Variants in COL11A1 observed in about 807,000 individuals in gnomAD.
COL11A1 encodes the protein collagen alpha-1(XI) chain.
In COL11A1, 74 loss-of-function variants were observed where a neutral mutation model predicts 265.2. The ratio of observed to expected loss-of-function variants is 0.28; its 90% CI spans 0.23 to 0.34. COL11A1 has a LOEUF of 0.34. COL11A1 is among the 10% of genes least tolerant of loss of function. COL11A1 has a pLI of 1.00. For synonymous variants in COL11A1, 816 were observed against 727.6 expected (o/e 1.12, Z -1.96); for missense variants, 2,165 against 2,263.6 (o/e 0.96, Z 0.88).
chr1:102,991,397 C>T (rs560491711), intron 28 of COL11A1, among the ~76,000 whole-genome samples: 13 of 151,812 alleles, frequency 8.6e-5, no homozygotes, highest in South Asian at 4.2e-4. Context: ...ATATCCTAAT[C>T]GTATCAAATT....
intron 41 of COL11A1, among the ~76,000 whole-genome samples, chr1:102,956,031 G>T (rs1392414398): frequency 2.0e-5 from 3 of 152,036 alleles, no homozygotes; most frequent in Non-Finnish European, 4.4e-5. Context: ...GCACCCTATT[G>T]GTATAATTTT....
chr1:103,031,397 A>G (rs578114001), intron 4 of COL11A1, among the ~76,000 whole-genome samples, 153 bp from the exon 5 acceptor site: 2 of 152,280 alleles, frequency 1.3e-5, no homozygotes, highest in South Asian at 4.1e-4. Context: ...GTCTTATAGG[A>G]TTGAAAGAGA....
chr1:103,003,920 C>T (rs1322694577), intron 20 of COL11A1, among the ~76,000 whole-genome samples: 1 of 152,074 alleles, frequency 6.6e-6, no homozygotes. Flanking sequence ...TAAAATGTGG[C>T]GCAAGGTAGA....
At position 102,898,741 on chromosome 1, in the gene COL11A1, T is replaced by A. The variant is rs753496492; in HGVS notation, c.4173A>T (p.Lys1391Asn). Residue 1391 changes from lysine to asparagine, a missense_variant, in exon 56 of 67, where the codon AAA becomes AAT. Coordinates refer to ENST00000370096, the MANE Select transcript of COL11A1 (RefSeq NM_001854.4). Reference sequence around the variant, plus strand: ...GTCCCTGAGGACCGACTGGGCCGGTTTTTCCAGGAGGACCTTCTGCACCTG... The same window carrying A: ...GTCCCTGAGGACCGACTGGGCCGGTATTTCCAGGAGGACCTTCTGCACCTG... The part of the protein sequence containing the change: ...GEAGAEGPPG[K>N]TGPVGPQGPA... 2.5e-6 allele frequency: 4 copies of A among 1,613,120 alleles called. No individual in the cohort carries two copies. The highest frequency in any genetic ancestry group is 3.3e-4 in the Middle Eastern group (2 of 6,054).
At chr1:102,995,407 A>G (rs745311616) in intron 28 of COL11A1, among the ~76,000 whole-genome samples, 1 of 152,132 alleles carries the variant, frequency 6.6e-6, no homozygotes, top group East Asian at 1.9e-4. Context: ...ATATAGAAAG[A>G]CTTCCTCTTT....
At chr1:103,001,346 G>T in intron 24 of COL11A1, 1 of 396,188 alleles carries the variant, frequency 2.5e-6, no homozygotes, top group Non-Finnish European at 4.4e-6. Context: ...GAAAAAAGGT[G>T]TTGGAAAGAG....
intron 46 of COL11A1, 137 bp downstream of exon 46, chr1:102,934,312 A>T (rs1407596972): frequency 1.5e-6 from 1 of 653,922 alleles, no homozygotes; most frequent in African/African-American, 1.8e-5. Context: ...TAAAAATAAA[A>T]TGATCTTTAT....
At chr1:102,914,835 AAG>A (rs397831712) in intron 50 of COL11A1, 24 bp from the exon 51 acceptor site, 393 of 1,539,734 alleles carry the variant, frequency 2.6e-4, no homozygotes, top group Middle Eastern at 3.6e-4. Context: ...AAAAAAAAAA[AAG>A]AAGAAGAAGG....
chr1:102,897,905 C>T (rs115836060), intron 57 of COL11A1, among the ~76,000 whole-genome samples: 99 of 152,174 alleles, frequency 6.5e-4, no homozygotes, highest in Admixed American at 1.8e-3. Context: ...TTTTTTCATC[C>T]AAAGTGCATA....
intron 46 of COL11A1, among the ~76,000 whole-genome samples, chr1:102,927,029 TAA>T (rs1296749545): frequency 2.6e-5 from 4 of 152,192 alleles, no homozygotes; most frequent in South Asian, 2.1e-4. Flanking sequence ...AAACATTTAT[TAA>T]GTGTTTTAAC....
chr1:103,011,179 C>A (rs1392779399), intron 14 of COL11A1, among the ~76,000 whole-genome samples: 1 of 152,036 alleles, frequency 6.6e-6, no homozygotes, highest in Non-Finnish European at 1.5e-5. Context: ...TAGGTTAATT[C>A]TTCTGACCCC....
Position 102,883,278 on chromosome 1 carries a change from G to A in COL11A1, c.4892C>T (p.Ser1631Leu). 1 of 1,613,202 alleles carries A rather than the reference G, an allele frequency of 6.2e-7. No homozygotes were observed. Among genetic ancestry groups the A allele is most frequent in the East Asian group, 2.2e-5 (1 of 44,802 alleles). Reference sequence around the variant, plus strand: ...ACAGTAAACTTTGAAGGAATCTCCTGAGCAACCTTGGTTAGGATCAATCCA... The same window carrying A: ...ACAGTAAACTTTGAAGGAATCTCCTAAGCAACCTTGGTTAGGATCAATCCA... ...EYWIDPNQGCSGDSFKVYCNF... is the reference protein window; with the variant it reads ...EYWIDPNQGCLGDSFKVYCNF... Residue 1631 changes from serine (S) to leucine (L), a missense_variant, in exon 64 of 67, where the codon TCA becomes TTA. Ser to Leu is a moderately radical substitution (Grantham distance 145). Coordinates refer to ENST00000370096, the MANE Select transcript of COL11A1 (RefSeq NM_001854.4).
rs1371433228 is a variant in COL11A1 at position 102,890,444 on chromosome 1, T to G, written c.4356+7A>C. 6.2e-7 allele frequency: 1 copy of G among 1,606,662 alleles called. No individual in the cohort carries two copies. Among genetic ancestry groups the G allele is most frequent in the Non-Finnish European group, 8.5e-7 (1 of 1,175,628 alleles). On this transcript the variant is annotated splice_region_variant and intron_variant, in intron 58 of 66. Coordinates refer to ENST00000370096, the MANE Select transcript of COL11A1 (RefSeq NM_001854.4). ...CTTTTATTAATAACACATTCTTTTA[T>G]TCTCACCTTTTCACCCTTGGAGCCA...
At chr1:102,919,220 G>A (rs1655693067) in intron 49 of COL11A1, among the ~76,000 whole-genome samples, 2 of 151,920 alleles carry the variant, frequency 1.3e-5, no homozygotes, top group Admixed American at 1.3e-4. Flanking sequence ...ATTAAAAAAG[G>A]CAGTCAATCA....
Position 102,920,375 on chromosome 1 carries a change from G to GA in COL11A1, c.3709-12dup. On this transcript the variant is annotated splice_polypyrimidine_tract_variant and intron_variant, in intron 48 of 66. Transcript: ENST00000370096. ...GGGTCCTTGTGGTCCCTGCAGTGTA[G>GA]AAAAAGGAATGTAATTATCCATATT... The GA allele has an allele frequency of 6.2e-7, 1 of 1,610,996 alleles. No homozygotes were observed. Among genetic ancestry groups the GA allele is most frequent in the Non-Finnish European group, 8.5e-7 (1 of 1,177,402 alleles).
At chr1:103,071,093 A>G (rs12737364) in intron 4 of COL11A1, among the ~76,000 whole-genome samples, 7,898 of 151,994 alleles carry the variant, frequency 0.052, 219 homozygotes, top group Middle Eastern at 0.092. Context: ...TGAGGAGTTT[A>G]AAAAAATGCA....
intron 46 of COL11A1, among the ~76,000 whole-genome samples, chr1:102,931,274 G>A (rs1657401135): frequency 6.6e-6 from 1 of 151,558 alleles, no homozygotes; most frequent in Non-Finnish European, 1.5e-5. Flanking sequence ...ATGCGTCCCA[G>A]AGATTCTGGT....
At chr1:103,004,515 A>G (rs560051828) in intron 19 of COL11A1, 27 bp from the exon 20 acceptor site, 4 of 1,606,374 alleles carry the variant, frequency 2.5e-6, no homozygotes, top group East Asian at 4.5e-5. Flanking sequence ...GAATGAGAGT[A>G]TAGAACATTT....
intron 14 of COL11A1, among the ~76,000 whole-genome samples, chr1:103,010,774 C>T (rs1346834392): frequency 6.6e-6 from 1 of 151,248 alleles, no homozygotes; most frequent in Non-Finnish European, 1.5e-5. Flanking sequence ...AATCTCAGCT[C>T]ACAGCAACCT....
Sources: allele counts gnomAD v4.1 joint callset (sites outside exome capture counted in the v4.1 genomes callset), GRCh38; gene constraint gnomAD v4.1.1; transcripts MANE v1.5; gene names NCBI Gene and HGNC (gene_info 2026-07-23, HGNC 2026-07-21).